The following PCDHA1 variants were observed in gnomAD, a reference collection of about 807,000 sequenced individuals.
PCDHA1 encodes the protein protocadherin alpha-1.
A neutral mutation model predicts 61.3 loss-of-function variants in PCDHA1; 42 were observed. The ratio of observed to expected loss-of-function variants is 0.69; its 90% CI spans 0.54 to 0.89. The LOEUF (loss-of-function observed/expected upper bound fraction) is 0.89, where lower values mean the gene tolerates loss of function less well. PCDHA1 is among the 40% of genes least tolerant of loss of function. PCDHA1 has a pLI of 0.00. For missense variants in PCDHA1, 1,256 were observed against 1,235.3 expected (o/e 1.02, Z -0.25); for synonymous variants, 610 against 553.8 (o/e 1.10, Z -1.43).
At chr5:140,809,210 G>A (rs1764395892) in intron 1 of PCDHA1, 2 of 1,613,956 alleles carry the variant, frequency 1.2e-6, no homozygotes, top group African/African-American at 2.7e-5. Context: ...GAGTGGACAG[G>A]CGCCAAAGGC....
At chr5:140,938,752 A>G (rs1213369856) in intron 1 of PCDHA1, among the ~76,000 whole-genome samples, 1 of 152,146 alleles carries the variant, frequency 6.6e-6, no homozygotes, top group Non-Finnish European at 1.5e-5. Flanking sequence ...TTTTAAAGGC[A>G]TAGTTATTGG....
chr5:140,812,586 C>A (rs1376268263), intron 1 of PCDHA1: 1 of 151,112 alleles, frequency 6.6e-6, no homozygotes, highest in Non-Finnish European at 1.5e-5. Flanking sequence ...TTTCTTCTTT[C>A]TTCATTTTTA....
intron 1 of PCDHA1, chr5:140,851,333 T>C: frequency 5.1e-6 from 5 of 974,938 alleles, no homozygotes; most frequent in Non-Finnish European, 6.3e-6. Flanking sequence ...TTTGTAGTTC[T>C]CTACATTTCT....
At chr5:140,834,349 T>C (rs1772916837) in intron 1 of PCDHA1, 1 of 1,534,320 alleles carries the variant, frequency 6.5e-7, no homozygotes, top group Non-Finnish European at 8.8e-7. Context: ...CGAAGGCAAG[T>C]TTTGCTGACT....
intron 1 of PCDHA1, chr5:140,849,310 G>A (rs2150434559): frequency 3.1e-6 from 4 of 1,307,514 alleles, no homozygotes; most frequent in African/African-American, 1.7e-5. Flanking sequence ...TTAGACGAAG[G>A]CTTGAATGGG....
At chr5:140,805,571 T>C in intron 1 of PCDHA1, 4 of 958,968 alleles carry the variant, frequency 4.2e-6, no homozygotes, top group African/African-American at 1.8e-5. Context: ...GGAAAGTTTT[T>C]AAATGGCTAC....
intron 1 of PCDHA1, chr5:140,930,511 C>G (rs2086907383): frequency 6.6e-6 from 1 of 152,616 alleles, no homozygotes; most frequent in African/African-American, 2.4e-5. Context: ...GCATGAGCCA[C>G]TGCAGCTGGC....
chr5:140,856,505 C>T (rs2150359235), intron 1 of PCDHA1: 1 of 1,598,456 alleles, frequency 6.3e-7, no homozygotes, highest in East Asian at 2.2e-5. Context: ...TCGATTTCCA[C>T]TAGAAGGCGC....
At chr5:140,910,925 TA>T (rs2075234137) in intron 1 of PCDHA1, among the ~76,000 whole-genome samples, 2 of 152,226 alleles carry the variant, frequency 1.3e-5, no homozygotes, top group South Asian at 4.2e-4. Flanking sequence ...CTTATATAAA[TA>T]AGAAAGCTCA....
intron 1 of PCDHA1, among the ~76,000 whole-genome samples, chr5:140,952,764 G>A (rs1554220603): frequency 6.6e-6 from 1 of 152,116 alleles, no homozygotes; most frequent in Non-Finnish European, 1.5e-5. Flanking sequence ...CCTGAGACTG[G>A]ATAATTTAGA....
Position 140,802,474 on chromosome 5 carries a change from C to G in PCDHA1, c.2394+13790C>G, listed in dbSNP as rs1296125051. ...GTGTCGGCCTATGAGCTGGTGGTGA[C>G]TGCTCGGGACGGGGGCTCGCCTTCA... On this transcript the variant is annotated intron_variant, in intron 1 of 3. Transcript: ENST00000504120. The G allele has an allele frequency of 1.9e-6, 3 of 1,614,108 alleles. No individual in the cohort carries two copies. In the African/African-American group the frequency reaches 4.0e-5, roughly 22 times the overall value.
Position 140,848,296 on chromosome 5 carries a change from G to T in PCDHA1, c.2394+59612G>T, listed in dbSNP as rs181978789. 1.7e-5 allele frequency: 11 copies of T among 652,922 alleles called. No individual in the cohort carries two copies. The East Asian group carries it at 2.5e-4, about 15-fold the overall frequency. 40.4% of individuals were successfully genotyped at this position (652,922 alleles called of 1,614,324 possible). ...AATATGTACTTACACTTTGGGCCACGTGATGTCACTCTTTGCCGCGATGTT... is the reference window on the plus strand; with the variant it reads ...AATATGTACTTACACTTTGGGCCACTTGATGTCACTCTTTGCCGCGATGTT... On this transcript the variant is annotated intron_variant, in intron 1 of 3. Coordinates refer to ENST00000504120, the MANE Select transcript of PCDHA1 (RefSeq NM_018900.4).
intron 1 of PCDHA1, chr5:140,927,906 CG>C: frequency 6.2e-7 from 1 of 1,614,180 alleles, no homozygotes. Context: ...ATCATGCCCC[CG>C]AACTGGACTT....
At chr5:140,882,415 T>G (rs782393404) in intron 1 of PCDHA1, 23 of 1,614,072 alleles carry the variant, frequency 1.4e-5, no homozygotes, top group African/African-American at 2.7e-5. Flanking sequence ...GCCGCATCGC[T>G]CAGGACCTGG....
chr5:140,850,370 G>A (rs141414972), intron 1 of PCDHA1: 2 of 1,597,812 alleles, frequency 1.3e-6, no homozygotes, highest in African/African-American at 2.7e-5. Context: ...TCCGCGTGGG[G>A]CTGTACACGG....
intron 1 of PCDHA1, chr5:140,966,461 C>A: frequency 2.3e-6 from 1 of 429,006 alleles, no homozygotes; most frequent in East Asian, 3.5e-5. Flanking sequence ...CCCCCTCTGT[C>A]TTCCCTTCTG....
intron 3 of PCDHA1, among the ~76,000 whole-genome samples, chr5:141,000,640 C>G (rs2097954123): frequency 6.6e-6 from 1 of 151,256 alleles, no homozygotes; most frequent in South Asian, 2.1e-4. Flanking sequence ...GTTGGGCAGG[C>G]TGGTCTCGAA....
At chr5:140,967,879 T>C in intron 1 of PCDHA1, 1 of 1,614,104 alleles carries the variant, frequency 6.2e-7, no homozygotes, top group Non-Finnish European at 8.5e-7. Context: ...CGGACCTGTA[T>C]AGCCCAGTGC....
At chr5:140,936,681 T>G (rs781812048) in intron 1 of PCDHA1, among the ~76,000 whole-genome samples, 3 of 152,246 alleles carry the variant, frequency 2.0e-5, no homozygotes, top group African/African-American at 2.4e-5. Flanking sequence ...CTATTCTGTT[T>G]CATTGGTCAA....
Sources: gnomAD v4.1 joint callset for allele counts (sites outside exome capture counted in the v4.1 genomes callset) on GRCh38, gnomAD v4.1.1 for gene constraint, MANE v1.5 for transcripts, NCBI Gene and HGNC (gene_info 2026-07-23, HGNC 2026-07-21) for gene names.